The following TNFRSF17 variants were observed in gnomAD, a reference collection of about 807,000 sequenced individuals.
The protein encoded by TNFRSF17 is TNF receptor superfamily member 17.
TNFRSF17 carries 13 observed loss-of-function variants against 9.9 expected under a neutral mutation model. That is an observed-to-expected ratio of 1.31 (90% CI 0.85 to 2.08). TNFRSF17 has a LOEUF of 2.08. Among genes scored for constraint, TNFRSF17 ranks in the 30% most tolerant of loss-of-function variants. The pLI, the probability that TNFRSF17 is intolerant of heterozygous loss-of-function variation, is 0.00. For missense variants in TNFRSF17, 305 were observed against 225.8 expected (o/e 1.35, Z -2.25); for synonymous variants, 99 against 83.7 (o/e 1.18, Z -1.00).
chr16:11,967,418 G>A, intron 2 of TNFRSF17, 152 bp from the exon 3 acceptor site: 1 of 758,046 alleles, frequency 1.3e-6, no homozygotes, highest in Non-Finnish European at 2.1e-6. Context: ...CCAGGAGTTT[G>A]AATGCAGCCT....
chr16:11,965,953 T>C (rs559801651), intron 1 of TNFRSF17, among the ~76,000 whole-genome samples: 2 of 152,034 alleles, frequency 1.3e-5, no homozygotes, highest in South Asian at 4.2e-4. Flanking sequence ...CTACTAAAAA[T>C]ACAAAAAATT....
In TNFRSF17 at chr16:11,967,978, C is replaced by A; in HGVS notation, c.*131C>A. The A allele has an allele frequency of 9.9e-7, 1 of 1,012,274 alleles. No homozygotes were observed. Among genetic ancestry groups the A allele is most frequent in the Non-Finnish European group, 1.4e-6 (1 of 709,514 alleles). The allele number at this position is 1,012,274 out of a possible 1,614,324, so 62.7% of individuals were successfully genotyped here. A position where few individuals can be genotyped will look rare whatever the true frequency, so the allele number is the denominator to read the frequency against. On this transcript the variant is annotated 3_prime_UTR_variant, in exon 3 of 3. Transcript: ENST00000053243. ...TTTTTGTCCTCTAACTGTGGAAACT[C>A]TTTATGTTAGATATATTTCTCTAGG...
chr16:11,966,208 A>G lies in TNFRSF17; in HGVS notation c.144A>G (p.Ser48=). Reference sequence around the variant, plus strand: ...CTTTTCATAAAGGTGTGACCAATTCAGTGAAAGGAACGAATGCGATTCTCT... The same window carrying G: ...CTTTTCATAAAGGTGTGACCAATTCGGTGAAAGGAACGAATGCGATTCTCT... ...QRYCNASVTN[S]VKGTNAILWT... The change falls in exon 2 of 3, where the codon TCA becomes TCG. Residue 48 remains serine, a synonymous_variant. Coordinates refer to ENST00000053243, the MANE Select transcript of TNFRSF17 (RefSeq NM_001192.3). 6.2e-7 allele frequency: 1 copy of G among 1,613,232 alleles called. No individual in the cohort carries two copies. Among genetic ancestry groups the G allele is most frequent in the Non-Finnish European group, 8.5e-7 (1 of 1,179,534 alleles).
Position 11,966,089 on chromosome 16 carries a change from C to T in TNFRSF17, c.131-106C>T. 4.9e-6 allele frequency: 6 copies of T among 1,222,428 alleles called. No individual in the cohort carries two copies. In the South Asian group the frequency reaches 9.1e-5, roughly 19 times the overall value. 75.7% of individuals were successfully genotyped at this position (1,222,428 alleles called of 1,614,324 possible). ...TCGCGCCACTGCACTCTAGCCTGGG[C>T]AACAGAGCAAGACTTTGTCTCAAAA... On this transcript the variant is annotated intron_variant, in intron 1 of 2. Transcript: ENST00000053243.
rs547363050 is a variant in TNFRSF17, at chr16:11,966,662, G to A, written c.277+321G>A. 8.4e-4 allele frequency among the ~76,000 whole-genome samples: 128 copies of A among 152,244 alleles called. 1 individual carries two copies. Among genetic ancestry groups the A allele is most frequent in the Middle Eastern group, 3.4e-3 (1 of 294 alleles). On this transcript the variant is annotated intron_variant, in intron 2 of 2. Transcript: ENST00000053243. ...ACATCGATTAAATGCCACATTATCA[G>A]AAACTCCTAGCCAGGTCTGCTACTG...
chr16:11,966,484 C>G, intron 2 of TNFRSF17, 143 bp downstream of exon 2: 1 of 862,088 alleles, frequency 1.2e-6, no homozygotes, highest in Non-Finnish European at 1.7e-6. Context: ...ATTAAATGAA[C>G]TTGGTAGAGG....
At chr16:11,966,641 C>T (rs965597651) in intron 2 of TNFRSF17, among the ~76,000 whole-genome samples, 4 of 152,198 alleles carry the variant, frequency 2.6e-5, no homozygotes, top group South Asian at 4.2e-4. Context: ...GTTAGCACAT[C>T]GATTAAATGC....
In TNFRSF17 at chr16:11,965,265, G is replaced by A; in HGVS notation, c.-60G>A. ...GCATTTGCTCTGGAATTCTTGTAGAGATATTACTTGTCCTTCCAGGCTGTT... is the reference window on the plus strand; with the variant it reads ...GCATTTGCTCTGGAATTCTTGTAGAAATATTACTTGTCCTTCCAGGCTGTT... On this transcript the variant is annotated 5_prime_UTR_variant, in exon 1 of 3. Transcript: ENST00000053243. 2 of 1,605,594 alleles carry A rather than the reference G, an allele frequency of 1.2e-6. No homozygotes were observed. The highest frequency in any genetic ancestry group is 1.7e-6 in the Non-Finnish European group (2 of 1,174,702).
rs1439149552 is a variant in TNFRSF17 at position 11,967,947 on chromosome 16, T to TA, written c.*101dup. The TA allele has an allele frequency of 4.4e-6, 6 of 1,362,354 alleles. No homozygotes were observed. Among genetic ancestry groups the TA allele is most frequent in the South Asian group, 1.4e-5 (1 of 69,836 alleles). 84.4% of individuals were successfully genotyped at this position (1,362,354 alleles called of 1,614,324 possible). ...GATGACTGTATTTTTCAGTTGCCGA[T>TA]ACAGCTTTTTGTCCTCTAACTGTGG... On this transcript the variant is annotated 3_prime_UTR_variant, in exon 3 of 3. Coordinates refer to ENST00000053243, the MANE Select transcript of TNFRSF17 (RefSeq NM_001192.3).
At chr16:11,966,106 G>C (rs1296753034) in intron 1 of TNFRSF17, 89 bp from the exon 2 acceptor site, 1 of 1,369,034 alleles carries the variant, frequency 7.3e-7, no homozygotes, top group Non-Finnish European at 9.8e-7. Flanking sequence ...GCAAGACTTT[G>C]TCTCAAAATA....
intron 1 of TNFRSF17, among the ~76,000 whole-genome samples, chr16:11,965,828 G>A (rs1309556892): frequency 3.3e-5 from 5 of 152,084 alleles, no homozygotes; most frequent in East Asian, 1.9e-4. Flanking sequence ...TATGACAGCC[G>A]GGTGCGGTGG....
rs759841436 is a variant in TNFRSF17 at position 11,967,661 on chromosome 16, G to A, written c.369G>A (p.Val123=). 5.6e-6 allele frequency: 9 copies of A among 1,614,060 alleles called. No individual in the cohort carries two copies. The highest frequency in any genetic ancestry group is 6.8e-6 in the Non-Finnish European group (8 of 1,180,046). The change falls in exon 3 of 3, where the codon GTG becomes GTA. Residue 123 remains valine, a synonymous_variant. Coordinates refer to ENST00000053243, the MANE Select transcript of TNFRSF17 (RefSeq NM_001192.3). The part of the protein sequence containing the change: ...IILPRGLEYT[V]EECTCEDCIK... ...TTCCGAGAGGCCTCGAGTACACGGT[G>A]GAAGAATGCACCTGTGAAGACTGCA...
At position 11,965,470 on chromosome 16, in the gene TNFRSF17, T is replaced by A. The variant is rs369612176; in HGVS notation, c.130+16T>A. 1.9e-6 allele frequency: 3 copies of A among 1,613,222 alleles called. No homozygotes were observed. The highest frequency in any genetic ancestry group is 2.5e-6 in the Non-Finnish European group (3 of 1,179,382). ...TGTAATGCAAGTAAGTAATATTGCT[T>A]GAACGATTATTCATTGGTGTGAACT... On this transcript the variant is annotated intron_variant, in intron 1 of 2. Coordinates refer to ENST00000053243, the MANE Select transcript of TNFRSF17 (RefSeq NM_001192.3).
chr16:11,966,335 A>G lies in TNFRSF17; in HGVS notation c.271A>G (p.Asn91Asp), dbSNP rs1280074606. The G allele has an allele frequency of 6.2e-7, 1 of 1,611,432 alleles. No individual in the cohort carries two copies. Among genetic ancestry groups the G allele is most frequent in the Non-Finnish European group, 8.5e-7 (1 of 1,178,678 alleles). Reference sequence around the variant, plus strand: ...TGAACCATTAAAGGACGAGTTTAAAAACACAGGTTGGTTTGATGGTGAATC... The same window carrying G: ...TGAACCATTAAAGGACGAGTTTAAAGACACAGGTTGGTTTGATGGTGAATC... ...NSEPLKDEFK[N>D]TGSGLLGMAN... Residue 91 changes from asparagine (N) to aspartate (D), a missense_variant, in exon 2 of 3, where the codon AAC becomes GAC. Transcript: ENST00000053243.
rs1324576084 is a variant in TNFRSF17, at chr16:11,965,295, C to T, written c.-30C>T. On this transcript the variant is annotated 5_prime_UTR_variant, in exon 1 of 3. Transcript: ENST00000053243. ...TACTTGTCCTTCCAGGCTGTTCTTT[C>T]TGTAGCTCCCTTGTTTTCTTTTTGT... 2 of 1,613,540 alleles carry T rather than the reference C, an allele frequency of 1.2e-6. No homozygotes were observed. The highest frequency in any genetic ancestry group is 1.7e-5 in the Admixed American group (1 of 59,922).
Position 11,967,782 on chromosome 16 carries a change from T to G in TNFRSF17, c.490T>G (p.Tyr164Asp), listed in dbSNP as rs200613750. The G allele has an allele frequency of 7.4e-6, 12 of 1,614,208 alleles. No individual in the cohort carries two copies. The East Asian group carries it at 2.7e-4, about 36-fold the overall frequency. The change falls in exon 3 of 3, where the codon TAT (tyrosine) becomes GAT (aspartate). Residue 164 changes from tyrosine to aspartate, a missense_variant. By Grantham distance (160) the Tyr-to-Asp change is radical. Transcript: ENST00000053243. ...TCTTGTCACCACGAAAACGAATGAC[T>G]ATTGCAAGAGCCTGCCAGCTGCTTT... Reference protein sequence around the residue: ...TILVTTKTNDYCKSLPAALSA... With the variant: ...TILVTTKTNDDCKSLPAALSA...
At position 11,967,726 on chromosome 16, in the gene TNFRSF17, C is replaced by T. The variant is rs1439948921; in HGVS notation, c.434C>T (p.Pro145Leu). The T allele has an allele frequency of 6.2e-7, 1 of 1,614,210 alleles. No individual in the cohort carries two copies. Among genetic ancestry groups the T allele is most frequent in the Non-Finnish European group, 8.5e-7 (1 of 1,180,040 alleles). ...KPKVDSDHCF[P>L]LPAMEEGATI... ...AAGGTCGACTCTGACCATTGCTTTC[C>T]ACTCCCAGCTATGGAGGAAGGCGCA... is the stretch of plus-strand genomic sequence containing the variant. Residue 145 changes from proline (P) to leucine (L), a missense_variant, in exon 3 of 3, where the codon CCA (proline) becomes CTA (leucine). Coordinates refer to ENST00000053243, the MANE Select transcript of TNFRSF17 (RefSeq NM_001192.3).
Position 11,966,130 on chromosome 16 carries a change from T to C in TNFRSF17, c.131-65T>C, listed in dbSNP as rs2055191529. The C allele has an allele frequency of 6.2e-6, 9 of 1,448,830 alleles. No individual in the cohort carries two copies. In the Admixed American group the frequency reaches 1.3e-4, roughly 21 times the overall value. The allele number at this position is 1,448,830 out of a possible 1,614,324, so 89.7% of individuals were successfully genotyped here. ...TGTCTCAAAATAAATAAATAAATAA[T>C]AACAATAAAGTATGTGAATATTATG... On this transcript the variant is annotated intron_variant, in intron 1 of 2. Transcript: ENST00000053243.
Position 11,966,270 on chromosome 16 carries a change from C to T in TNFRSF17, c.206C>T (p.Ala69Val). 1 of 1,613,874 alleles carries T rather than the reference C, an allele frequency of 6.2e-7. No individual in the cohort carries two copies. Among genetic ancestry groups the T allele is most frequent in the Middle Eastern group, 1.7e-4 (1 of 6,060 alleles). Residue 69 changes from alanine (A) to valine (V), a missense_variant, in exon 2 of 3, where the codon GCA becomes GTA. Ala to Val is a moderately conservative substitution (Grantham distance 64, BLOSUM62 0). Coordinates refer to ENST00000053243, the MANE Select transcript of TNFRSF17 (RefSeq NM_001192.3). Reference sequence around the variant, plus strand: ...GGACTGAGCTTAATAATTTCTTTGGCAGTTTTCGTGCTAATGTTTTTGCTA... The same window carrying T: ...GGACTGAGCTTAATAATTTCTTTGGTAGTTTTCGTGCTAATGTTTTTGCTA... ...CLGLSLIISL[A>V]VFVLMFLLRK...
Sources: gnomAD v4.1 joint callset for allele counts (sites outside exome capture counted in the v4.1 genomes callset) on GRCh38, gnomAD v4.1.1 for gene constraint, MANE v1.5 for transcripts, NCBI Gene and HGNC (gene_info 2026-07-23, HGNC 2026-07-21) for gene names.